Variants in LRRC7 observed in about 807,000 individuals in gnomAD.
LRRC7 encodes leucine rich repeat containing 7, also known as leucine-rich repeat-containing protein 7.
Under a neutral mutation model 175.7 loss-of-function variants are expected in LRRC7, and 23 were observed. That is an observed-to-expected ratio of 0.13 (90% CI 0.09 to 0.19). The LOEUF is 0.19. Among genes scored for constraint, LRRC7 ranks in the 10% least tolerant of loss-of-function variants. The pLI is 1.00. For missense variants in LRRC7, 1,354 were observed against 1,904.7 expected, an observed-to-expected ratio of 0.71 and a Z score of 5.38; for synonymous variants, 685 against 680.9, an observed-to-expected ratio of 1.01 and a Z score of -0.09.
intron 1 of LRRC7, among the ~76,000 whole-genome samples, chr1:69,576,541 A>G (rs1645957422): frequency 6.6e-6 from 1 of 152,202 alleles, no homozygotes. Context: ...AATGAAATGT[A>G]GAAATATTTA....
At chr1:69,584,555 A>G (rs35421246) in intron 1 of LRRC7, among the ~76,000 whole-genome samples, 11,881 of 152,244 alleles carry the variant, frequency 0.078, 561 homozygotes, top group Middle Eastern at 0.11. Flanking sequence ...CATAATACCC[A>G]TCTCACATAA....
intron 7 of LRRC7, chr1:69,920,014 C>T (rs1224135728): frequency 6.5e-6 from 3 of 463,948 alleles, no homozygotes; most frequent in East Asian, 8.4e-5. Flanking sequence ...TCCCCACTCC[C>T]TGTCAGTCCC....
intron 8 of LRRC7, among the ~76,000 whole-genome samples, chr1:69,962,478 G>A (rs1651193435): frequency 6.6e-6 from 1 of 152,150 alleles, no homozygotes; most frequent in South Asian, 2.1e-4. Flanking sequence ...TCCCATTACT[G>A]GGTATATACC....
chr1:69,976,804 C>T (rs1343842031), intron 8 of LRRC7, among the ~76,000 whole-genome samples: 2 of 152,218 alleles, frequency 1.3e-5, no homozygotes, highest in African/African-American at 4.8e-5. Context: ...CCTCAGTCAA[C>T]TCACTCTAGT....
intron 7 of LRRC7, among the ~76,000 whole-genome samples, chr1:69,901,123 T>C (rs1646122992): frequency 6.6e-6 from 1 of 152,104 alleles, no homozygotes; most frequent in African/African-American, 2.4e-5. Flanking sequence ...CTGGTGATGA[T>C]GTTATGGATT....
chr1:69,667,399 G>A lies in LRRC7; in HGVS notation c.3-10982G>A, dbSNP rs143118042. Among the ~76,000 whole-genome samples the A allele has an allele frequency of 2.2e-4, 33 of 152,156 alleles. No individual in the cohort carries two copies. The East Asian group carries it at 6.2e-3, about 28-fold the overall frequency. ...GAAGATCTGTCTAATGCTGACAGTG[G>A]GGTGTTGAAGTCTCCAGCTTTTATT... On this transcript the variant is annotated intron_variant, in intron 1 of 26. Transcript: ENST00000651989.
At chr1:69,954,508 T>C (rs1440606251) in intron 8 of LRRC7, among the ~76,000 whole-genome samples, 1 of 151,976 alleles carries the variant, frequency 6.6e-6, no homozygotes, top group African/African-American at 2.4e-5. Context: ...TAGTATAGAA[T>C]TAACTTGCCC....
chr1:69,627,608 T>G (rs1396276007), intron 1 of LRRC7, among the ~76,000 whole-genome samples: 1 of 152,070 alleles, frequency 6.6e-6, no homozygotes, highest in African/African-American at 2.4e-5. Flanking sequence ...TTTGACTTTT[T>G]TTGCCATTGA....
At chr1:70,027,005 G>A (rs1658181463) in intron 17 of LRRC7, among the ~76,000 whole-genome samples, 1 of 152,090 alleles carries the variant, frequency 6.6e-6, no homozygotes, top group African/African-American at 2.4e-5. Context: ...TTACATGGGT[G>A]TGTGGGGGTG....
chr1:69,805,376 A>G (rs939220005), intron 4 of LRRC7, among the ~76,000 whole-genome samples: 1 of 151,840 alleles, frequency 6.6e-6, no homozygotes, highest in Non-Finnish European at 1.5e-5. Flanking sequence ...TGTATACATT[A>G]TAAATTCATA....
chr1:70,015,630 A>G (rs1044176881), intron 13 of LRRC7, among the ~76,000 whole-genome samples: 2 of 152,196 alleles, frequency 1.3e-5, no homozygotes, highest in African/African-American at 4.8e-5. Flanking sequence ...ATCATGCATA[A>G]TTTGAAGGAT....
intron 26 of LRRC7, among the ~76,000 whole-genome samples, chr1:70,113,761 T>G (rs1010662305): frequency 3.3e-5 from 5 of 152,164 alleles, no homozygotes; most frequent in African/African-American, 1.2e-4. Context: ...CAACTAAGTT[T>G]TGAAATCACT....
chr1:69,895,056 TACA>T (rs1335609023), intron 7 of LRRC7, among the ~76,000 whole-genome samples: 1 of 152,042 alleles, frequency 6.6e-6, no homozygotes, highest in East Asian at 1.9e-4. Context: ...TCTGCTAAAA[TACA>T]ACATCTCTAC....
intron 7 of LRRC7, among the ~76,000 whole-genome samples, chr1:69,844,992 A>G (rs531585695): frequency 1.2e-4 from 18 of 152,150 alleles, no homozygotes; most frequent in Non-Finnish European, 2.5e-4. Context: ...CATGAGGCCT[A>G]TAGTTCGAGC....
intron 19 of LRRC7, 31 bp downstream of exon 19, chr1:70,036,263 G>A: frequency 6.4e-7 from 1 of 1,551,932 alleles, no homozygotes; most frequent in East Asian, 2.2e-5. Flanking sequence ...TGGAAAATAT[G>A]CTACAAATGC....
intron 24 of LRRC7, among the ~76,000 whole-genome samples, chr1:70,078,797 C>T (rs1028395408): frequency 2.0e-5 from 2 of 100,384 alleles, no homozygotes; most frequent in Admixed American, 8.9e-5. Flanking sequence ...CATATACGCG[C>T]GCGCGCGCGC....
intron 1 of LRRC7, among the ~76,000 whole-genome samples, chr1:69,605,588 A>G (rs1357103030): frequency 6.6e-6 from 1 of 152,192 alleles, no homozygotes; most frequent in African/African-American, 2.4e-5. Flanking sequence ...GTATATATGG[A>G]TAATCATGAT....
At chr1:69,914,056 AAGAG>A (rs1570627838) in intron 7 of LRRC7, among the ~76,000 whole-genome samples, 1 of 152,192 alleles carries the variant, frequency 6.6e-6, no homozygotes, top group South Asian at 2.1e-4. Flanking sequence ...AAGTGTCATT[AAGAG>A]AGAGACATCA....
chr1:69,841,460 G>A (rs1346757101), intron 7 of LRRC7, among the ~76,000 whole-genome samples: 1 of 152,018 alleles, frequency 6.6e-6, no homozygotes, highest in Admixed American at 6.6e-5. Flanking sequence ...GGGATTAATG[G>A]AGTCCATTGT....
Sources: gnomAD v4.1 joint callset for allele counts (sites outside exome capture counted in the v4.1 genomes callset) on GRCh38, gnomAD v4.1.1 for gene constraint, MANE v1.5 for transcripts, NCBI Gene and HGNC (gene_info 2026-07-23, HGNC 2026-07-21) for gene names.